Variants in HECW1 observed in about 807,000 individuals in gnomAD.
The protein encoded by HECW1 is E3 ubiquitin-protein ligase HECW1.
In HECW1, 61 loss-of-function variants were observed where a neutral mutation model predicts 182.3. That is an observed-to-expected ratio of 0.33 (90% CI 0.27 to 0.41). HECW1 has a LOEUF of 0.41. Among genes scored for constraint, HECW1 ranks in the 10% least tolerant of loss-of-function variants. HECW1 has a pLI of 1.00. For synonymous variants in HECW1, 859 were observed against 832.6 expected (o/e 1.03, Z -0.55); for missense variants, 1,739 against 2,108.9 (o/e 0.82, Z 3.44).
intron 3 of HECW1, among the ~76,000 whole-genome samples, chr7:43,297,546 G>T (rs200539575): frequency 1.3e-5 from 2 of 152,162 alleles, no homozygotes; most frequent in East Asian, 3.9e-4. Context: ...TCTCCAAGGT[G>T]GTTGGCAGGG....
At chr7:43,405,543 G>A (rs531178235) in intron 7 of HECW1, among the ~76,000 whole-genome samples, 1 of 152,272 alleles carries the variant, frequency 6.6e-6, no homozygotes, top group South Asian at 2.1e-4. Context: ...CTGTCTACCA[G>A]GGAAGCTTCT....
intron 15 of HECW1, among the ~76,000 whole-genome samples, chr7:43,467,039 A>C (rs1237829158): frequency 2.0e-5 from 3 of 152,126 alleles, no homozygotes; most frequent in Non-Finnish European, 4.4e-5. Context: ...TAGTTTTTTC[A>C]TTGCTTTTTT....
chr7:43,495,782 C>T (rs1325793717), intron 19 of HECW1, among the ~76,000 whole-genome samples: 1 of 152,186 alleles, frequency 6.6e-6, no homozygotes, highest in Admixed American at 6.5e-5. Context: ...ATGGGCTGCT[C>T]TTTGACTCAC....
intron 5 of HECW1, among the ~76,000 whole-genome samples, chr7:43,351,209 G>A (rs946215970): frequency 6.6e-6 from 1 of 152,170 alleles, no homozygotes; most frequent in African/African-American, 2.4e-5. Flanking sequence ...AGAGTCCTGT[G>A]ATGTGAACCA....
In HECW1 at chr7:43,466,582, A is replaced by C. The variant is rs376228688; in HGVS notation, c.2913+14A>C. The C allele has an allele frequency of 6.2e-7, 1 of 1,611,548 alleles. No individual in the cohort carries two copies. Among genetic ancestry groups the C allele is most frequent in the African/African-American group, 1.3e-5 (1 of 74,898 alleles). On this transcript the variant is annotated intron_variant, in intron 15 of 29. Transcript: ENST00000395891. ...CATGCCAATTATGTGAGTGCCCTAA[A>C]ATGCAGAGGGGGCGGCCTGGCTCGG...
At chr7:43,528,120 C>A (rs1015435379) in intron 24 of HECW1, among the ~76,000 whole-genome samples, 3 of 152,174 alleles carry the variant, frequency 2.0e-5, no homozygotes, top group Admixed American at 1.3e-4. Flanking sequence ...AGGCTGCTTG[C>A]CTGGATAACT....
chr7:43,540,672 C>T (rs565071360), intron 24 of HECW1, among the ~76,000 whole-genome samples: 4 of 152,306 alleles, frequency 2.6e-5, no homozygotes, highest in African/African-American at 9.6e-5. Context: ...CTCTTCCCCA[C>T]TATCTGCAAG....
chr7:43,135,368 G>C (rs896735528), intron 2 of HECW1, among the ~76,000 whole-genome samples: 3 of 151,992 alleles, frequency 2.0e-5, no homozygotes, highest in Non-Finnish European at 2.9e-5. Context: ...TTATTGTAAT[G>C]GCTAGAGTGC....
At chr7:43,175,788 G>C (rs772334165) in intron 2 of HECW1, among the ~76,000 whole-genome samples, 25 of 152,170 alleles carry the variant, frequency 1.6e-4, no homozygotes, top group Non-Finnish European at 2.8e-4. Flanking sequence ...TGCCCGCTTT[G>C]ATAAATGCAG....
intron 17 of HECW1, 82 bp from the exon 18 acceptor site, chr7:43,491,993 C>A: frequency 1.0e-6 from 1 of 963,008 alleles, no homozygotes; most frequent in Non-Finnish European, 1.6e-6. Flanking sequence ...AATCTTTTAC[C>A]CCTTAGGTTG....
At chr7:43,223,393 A>G (rs1797150891) in intron 2 of HECW1, among the ~76,000 whole-genome samples, 1 of 152,170 alleles carries the variant, frequency 6.6e-6, no homozygotes, top group African/African-American at 2.4e-5. Flanking sequence ...TGAGGCGGGC[A>G]GATCACCTGA....
At chr7:43,214,504 T>C (rs1796273424) in intron 2 of HECW1, among the ~76,000 whole-genome samples, 1 of 152,218 alleles carries the variant, frequency 6.6e-6, no homozygotes, top group Non-Finnish European at 1.5e-5. Flanking sequence ...TATATCCTTA[T>C]CAAAAAATAG....
intron 5 of HECW1, among the ~76,000 whole-genome samples, chr7:43,348,409 T>C (rs1443477335): frequency 1.3e-5 from 2 of 152,202 alleles, no homozygotes; most frequent in Admixed American, 6.5e-5. Context: ...TCTCTTCTTT[T>C]CTTGGTTAAT....
chr7:43,515,543 T>A (rs1299222008), intron 24 of HECW1, among the ~76,000 whole-genome samples: 3 of 152,150 alleles, frequency 2.0e-5, no homozygotes, highest in Non-Finnish European at 2.9e-5. Context: ...TTATAAATGG[T>A]GGGAAGTTAA....
intron 3 of HECW1, among the ~76,000 whole-genome samples, chr7:43,275,181 A>G (rs192157337): frequency 6.6e-6 from 1 of 152,334 alleles, no homozygotes; most frequent in Admixed American, 6.5e-5. Flanking sequence ...TTAAAAATCC[A>G]ACAAAAAGTT....
At chr7:43,289,912 G>C (rs1257588708) in intron 3 of HECW1, among the ~76,000 whole-genome samples, 1 of 152,208 alleles carries the variant, frequency 6.6e-6, no homozygotes, top group Admixed American at 6.5e-5. Flanking sequence ...TTCTTTAGTT[G>C]ACAATTGGTT....
chr7:43,214,221 A>G (rs1362324023), intron 2 of HECW1, among the ~76,000 whole-genome samples: 3 of 150,940 alleles, frequency 2.0e-5, no homozygotes, highest in Admixed American at 6.6e-5. Flanking sequence ...TTTTGTTTTT[A>G]TACATGGATG....
At chr7:43,163,770 C>T (rs1417721310) in intron 2 of HECW1, among the ~76,000 whole-genome samples, 2 of 152,236 alleles carry the variant, frequency 1.3e-5, no homozygotes, top group African/African-American at 2.4e-5. Context: ...CAGGAACCCT[C>T]ACATCTTGGG....
rs750294139 is a variant in HECW1, at chr7:43,456,376, G to C, written c.2580G>C (p.Pro860=). The change falls in exon 13 of 30, where the codon CCG becomes CCC. Residue 860 remains proline, a synonymous_variant. Coordinates refer to ENST00000395891, the MANE Select transcript of HECW1 (RefSeq NM_015052.5). The part of the protein sequence containing the change: ...HVNRTTTWQR[P]TAAATPDGMR... ...ACCGCACAACCACCTGGCAGCGTCCGACGGCAGCAGCCACCCCGGATGGCA... is the reference window on the plus strand; with the variant it reads ...ACCGCACAACCACCTGGCAGCGTCCCACGGCAGCAGCCACCCCGGATGGCA... The C allele has an allele frequency of 3.1e-6, 5 of 1,613,966 alleles. No individual in the cohort carries two copies. The highest frequency in any genetic ancestry group is 1.7e-5 in the Admixed American group (1 of 59,982).
Sources: gnomAD v4.1 joint callset for allele counts (sites outside exome capture counted in the v4.1 genomes callset) on GRCh38, gnomAD v4.1.1 for gene constraint, MANE v1.5 for transcripts, NCBI Gene and HGNC (gene_info 2026-07-23, HGNC 2026-07-21) for gene names.